CCDC144A: variants seen among roughly 807,000 people sequenced by gnomAD.
CCDC144A encodes the protein coiled-coil domain-containing protein 144A.
A neutral mutation model predicts 143.8 loss-of-function variants in CCDC144A; 41 were observed. The ratio of observed to expected loss-of-function variants is 0.29; its 90% CI spans 0.22 to 0.37. CCDC144A has a LOEUF of 0.37. CCDC144A is among the 10% of genes least tolerant of loss of function. The pLI is 1.00. For missense variants in CCDC144A, 637 were observed against 1,488.8 expected, an observed-to-expected ratio of 0.43 and a Z score of 9.41; for synonymous variants, 242 against 517.9, an observed-to-expected ratio of 0.47 and a Z score of 7.23.
chr17:16,677,164 C>CCTT, the CCDC144A span, among the ~76,000 whole-genome samples: 4 of 152,096 alleles, frequency 2.6e-5, no homozygotes, highest in Non-Finnish European at 5.9e-5. Context: ...TCCTTCTGCA[C>CCTT]CTTCGTCCGT....
the CCDC144A span, among the ~76,000 whole-genome samples, chr17:16,667,613 T>C: frequency 1.3e-5 from 2 of 151,320 alleles, no homozygotes; most frequent in African/African-American, 4.9e-5. Flanking sequence ...GTGAACCTCG[T>C]GGGCTCCTGC....
intron 8 of CCDC144A, among the ~76,000 whole-genome samples, chr17:16,726,273 C>G (rs1283963018): frequency 6.7e-6 from 1 of 150,000 alleles, no homozygotes; most frequent in African/African-American, 2.5e-5. Context: ...CCCAGCTATT[C>G]GGGAGCCTGA....
At chr17:16,748,784 A>G (rs902073471) in intron 12 of CCDC144A, among the ~76,000 whole-genome samples, 12 of 152,230 alleles carry the variant, frequency 7.9e-5, no homozygotes, top group Admixed American at 7.8e-4. Context: ...TTGTCTGTTC[A>G]TGATTTCAAT....
the CCDC144A span, chr17:16,667,231 G>A: frequency 1.4e-5 from 3 of 213,794 alleles, no homozygotes; most frequent in Admixed American, 5.7e-5. Context: ...GGGGGCGGCT[G>A]AGAGGCTGAG....
At chr17:16,754,718 T>G (rs1017641800) in intron 12 of CCDC144A, among the ~76,000 whole-genome samples, 9 of 152,276 alleles carry the variant, frequency 5.9e-5, no homozygotes, top group African/African-American at 1.9e-4. Flanking sequence ...TAATACAGTG[T>G]TCTGTAAGTG....
At position 16,747,814 on chromosome 17, in the gene CCDC144A, G is replaced by GTT. The variant is rs534880981; in HGVS notation, c.3372+12171_3372+12172insTT. On this transcript the variant is annotated intron_variant, in intron 12 of 16. Transcript: ENST00000399273. ...GACTGAAGTCATTTATCAGTTCCAG[G>GTT]ATAAATTGGCAAACTCTAGAGTTTT... Among the ~76,000 whole-genome samples the GTT allele has an allele frequency of 2.2e-3, 330 of 152,240 alleles. 4 individuals are homozygous for GTT. Among genetic ancestry groups the GTT allele is most frequent in the African/African-American group, 7.5e-3 (311 of 41,534 alleles).
chr17:16,756,386 C>G lies in CCDC144A; in HGVS notation c.3373-5039C>G, dbSNP rs575265273. ...TCAGAAATTCATTCTTCTCCTTGAT[C>G]TAGTCTATTGCCAACATTCTCAGTT... On this transcript the variant is annotated intron_variant, in intron 12 of 16. Transcript: ENST00000399273. 3.3e-5 allele frequency among the ~76,000 whole-genome samples: 5 copies of G among 152,160 alleles called. No homozygotes were observed. In the South Asian group the frequency reaches 1.0e-3, roughly 32 times the overall value.
intron 8 of CCDC144A, among the ~76,000 whole-genome samples, chr17:16,725,288 A>G (rs1305485836): frequency 6.6e-6 from 1 of 151,766 alleles, no homozygotes; most frequent in Non-Finnish European, 1.5e-5. Context: ...TCTGTCATCA[A>G]GCTGTTTGAT....
chr17:16,755,482 C>A (rs1915034594), intron 12 of CCDC144A, among the ~76,000 whole-genome samples: 1 of 152,152 alleles, frequency 6.6e-6, no homozygotes, highest in South Asian at 2.1e-4. Flanking sequence ...CTCCTGTAAG[C>A]ATTTCTTGTA....
rs185265343 is a variant in CCDC144A, at chr17:16,690,665, C to T, written c.265C>T (p.Arg89Trp). Reference sequence around the variant, plus strand: ...TCTTGGCGAGCTCCACAGAGCTGCCCGGTCGGGCGACGTCCCTGGGGTGGA... The same window carrying T: ...TCTTGGCGAGCTCCACAGAGCTGCCTGGTCGGGCGACGTCCCTGGGGTGGA... Reference protein sequence around the residue: ...EDLGELHRAARSGDVPGVEHI... With the variant: ...EDLGELHRAAWSGDVPGVEHI... The change falls in exon 1 of 17, where the codon CGG (arginine) becomes TGG (tryptophan). Residue 89 changes from arginine (R) to tryptophan (W), a missense_variant. Arg to Trp is a moderately radical substitution (Grantham distance 101). Coordinates refer to ENST00000399273, the MANE Select transcript of CCDC144A (RefSeq NM_001382000.1). The T allele has an allele frequency of 3.2e-4, 521 of 1,613,864 alleles. 2 individuals are homozygous for T. The African/African-American group carries it at 6.1e-3, about 19-fold the overall frequency.
At position 16,704,048 on chromosome 17, in the gene CCDC144A, C is replaced by G. The variant is rs185337840; in HGVS notation, c.416-1103C>G. Among the ~76,000 whole-genome samples, 19 of 152,308 alleles carry G rather than the reference C, an allele frequency of 1.2e-4. No homozygotes were observed. In the East Asian group the frequency reaches 3.7e-3, roughly 29 times the overall value. On this transcript the variant is annotated intron_variant, in intron 2 of 16. Coordinates refer to ENST00000399273, the MANE Select transcript of CCDC144A (RefSeq NM_001382000.1). ...GGATTCTCAGATCATAATTTAGAGT[C>G]AACATTTTAAACCACATATGTGGTT...
chr17:16,678,043 A>G, the CCDC144A span, among the ~76,000 whole-genome samples: 2 of 152,176 alleles, frequency 1.3e-5, no homozygotes, highest in African/African-American at 2.4e-5. Context: ...TGAATTTGAC[A>G]TTGTAAAACT....
the CCDC144A span, among the ~76,000 whole-genome samples, chr17:16,669,950 A>AG: frequency 3.3e-5 from 5 of 152,106 alleles, no homozygotes; most frequent in African/African-American, 1.2e-4. Flanking sequence ...TGGGAGGCTG[A>AG]GGGGGGTGGA....
intron 9 of CCDC144A, among the ~76,000 whole-genome samples, chr17:16,729,423 T>C (rs1194085926): frequency 6.6e-6 from 1 of 152,236 alleles, no homozygotes; most frequent in African/African-American, 2.4e-5. Flanking sequence ...ATTTGTGTAC[T>C]TTTTGATGGG....
intron 12 of CCDC144A, among the ~76,000 whole-genome samples, chr17:16,752,450 G>C (rs1204186950): frequency 6.6e-6 from 1 of 151,856 alleles, no homozygotes; most frequent in African/African-American, 2.4e-5. Context: ...CTCTCTTCTC[G>C]GCATTGTGAG....
At chr17:16,669,567 T>C in the CCDC144A span, among the ~76,000 whole-genome samples, 1 of 152,236 alleles carries the variant, frequency 6.6e-6, no homozygotes, top group African/African-American at 2.4e-5. Flanking sequence ...AAATGTTCTC[T>C]GTCTATGTAC....
chr17:16,724,785 G>A (rs1281664810), intron 8 of CCDC144A, among the ~76,000 whole-genome samples: 1 of 87,790 alleles, frequency 1.1e-5, no homozygotes. Context: ...TTGATTAACT[G>A]AATTTTTTTT....
At chr17:16,703,422 AATT>A (rs1241614771) in intron 2 of CCDC144A, among the ~76,000 whole-genome samples, 1 of 152,082 alleles carries the variant, frequency 6.6e-6, no homozygotes, top group African/African-American at 2.4e-5. Context: ...AATAAAGAAA[AATT>A]ATTGCAAATT....
chr17:16,739,419 C>A (rs2143268657), intron 12 of CCDC144A, among the ~76,000 whole-genome samples: 1 of 150,074 alleles, frequency 6.7e-6, no homozygotes, highest in Non-Finnish European at 1.5e-5. Context: ...TTTTCACTTT[C>A]TTGATGGTCT....
Sources: gnomAD v4.1 joint callset for allele counts (sites outside exome capture counted in the v4.1 genomes callset) on GRCh38, gnomAD v4.1.1 for gene constraint, MANE v1.5 for transcripts, NCBI Gene and HGNC (gene_info 2026-07-23, HGNC 2026-07-21) for gene names.